The following KCNN2 variants were observed in gnomAD, a reference collection of about 807,000 sequenced individuals.
KCNN2 encodes the protein small conductance calcium-activated potassium channel protein 2.
KCNN2 carries 24 observed loss-of-function variants against 55.5 expected under a neutral mutation model. The observed-to-expected ratio is 0.43, with a 90% confidence interval of 0.31 to 0.61. The LOEUF (loss-of-function observed/expected upper bound fraction) is 0.61, where lower values mean the gene tolerates loss of function less well. Ranked by LOEUF, KCNN2 falls within the 20% of genes least tolerant of loss-of-function variation. KCNN2 has a pLI of 0.08. For synonymous variants in KCNN2, 431 were observed against 336.1 expected, an observed-to-expected ratio of 1.28 and a Z score of -3.09; for missense variants, 754 against 853.6, an observed-to-expected ratio of 0.88 and a Z score of 1.45.
chr5:114,419,091 C>T (rs1759394917), intron 3 of KCNN2, among the ~76,000 whole-genome samples: 1 of 152,158 alleles, frequency 6.6e-6, no homozygotes, highest in African/African-American at 2.4e-5. Flanking sequence ...TTAATTTGTG[C>T]TTCTTATTGA....
chr5:114,089,415 T>A (rs941921445), intron 1 of KCNN2, among the ~76,000 whole-genome samples: 2 of 152,154 alleles, frequency 1.3e-5, no homozygotes, highest in Non-Finnish European at 2.9e-5. Context: ...CACTGGAATG[T>A]CTCCCAACGC....
At chr5:114,303,492 G>A (rs1046375668) in intron 2 of KCNN2, among the ~76,000 whole-genome samples, 5 of 152,194 alleles carry the variant, frequency 3.3e-5, no homozygotes, top group Non-Finnish European at 7.3e-5. Flanking sequence ...GGTTTATAAA[G>A]GCACGCAGAG....
chr5:114,275,206 C>G (rs1427915939), intron 2 of KCNN2, among the ~76,000 whole-genome samples: 1 of 152,104 alleles, frequency 6.6e-6, no homozygotes, highest in African/African-American at 2.4e-5. Context: ...GGTGGATAAG[C>G]TTTTTGATGT....
intron 2 of KCNN2, among the ~76,000 whole-genome samples, chr5:114,304,329 G>A (rs1026263464): frequency 2.0e-5 from 3 of 152,190 alleles, no homozygotes; most frequent in African/African-American, 4.8e-5. Flanking sequence ...TGTCATGGGA[G>A]TCTGGGCCAT....
At chr5:114,368,062 C>G (rs992906154) in intron 2 of KCNN2, among the ~76,000 whole-genome samples, 1 of 150,892 alleles carries the variant, frequency 6.6e-6, no homozygotes, top group Non-Finnish European at 1.5e-5. Flanking sequence ...TTTTTTTTTT[C>G]CAGTAAATAT....
intron 4 of KCNN2, among the ~76,000 whole-genome samples, chr5:114,471,223 A>G (rs1761719155): frequency 6.6e-6 from 1 of 152,178 alleles, no homozygotes; most frequent in Admixed American, 6.5e-5. Context: ...TCCTGCCATG[A>G]ATACCAAAAT....
At chr5:114,435,487 T>C (rs544480318) in intron 3 of KCNN2, among the ~76,000 whole-genome samples, 45 of 152,292 alleles carry the variant, frequency 3.0e-4, no homozygotes, top group Admixed American at 5.2e-4. Flanking sequence ...ATAATGTTTC[T>C]AGACTTCATA....
chr5:114,484,103 A>T lies in KCNN2; in HGVS notation c.1891-2947A>T, dbSNP rs185672122. Among the ~76,000 whole-genome samples the T allele has an allele frequency of 8.5e-5, 13 of 152,228 alleles. 1 individual carries two copies. Among genetic ancestry groups the T allele is most frequent in the Admixed American group, 8.5e-4 (13 of 15,290 alleles). On this transcript the variant is annotated intron_variant, in intron 5 of 7. Coordinates refer to ENST00000673685, the MANE Select transcript of KCNN2 (RefSeq NM_021614.4). ...TCATGAGAAGAAGTTTTTATGTATA[A>T]ATTATATGTGCTGTGGTGCCCAGTT...
intron 1 of KCNN2, among the ~76,000 whole-genome samples, chr5:114,076,753 G>T (rs971363522): frequency 2.2e-4 from 34 of 152,172 alleles, no homozygotes; most frequent in African/African-American, 8.0e-4. Context: ...GAGTGCAGTG[G>T]TGCGATCTCG....
At chr5:114,262,768 C>T (rs537600228) in intron 2 of KCNN2, among the ~76,000 whole-genome samples, 26 of 152,262 alleles carry the variant, frequency 1.7e-4, no homozygotes, top group African/African-American at 6.0e-4. Flanking sequence ...TTGAGATGGA[C>T]AGCGTGCCTG....
chr5:114,420,009 A>G (rs1368163573), intron 3 of KCNN2, among the ~76,000 whole-genome samples: 1 of 152,214 alleles, frequency 6.6e-6, no homozygotes, highest in South Asian at 2.1e-4. Flanking sequence ...AAACAAAGCT[A>G]CCTTCTCCAT....
At chr5:114,247,593 T>G (rs1754772595) in intron 2 of KCNN2, among the ~76,000 whole-genome samples, 1 of 152,174 alleles carries the variant, frequency 6.6e-6, no homozygotes, top group Non-Finnish European at 1.5e-5. Context: ...AAATATTAGA[T>G]CAACTATAAA....
chr5:114,138,592 A>T (rs1355793529), intron 1 of KCNN2, among the ~76,000 whole-genome samples: 1 of 152,128 alleles, frequency 6.6e-6, no homozygotes, highest in Non-Finnish European at 1.5e-5. Flanking sequence ...GTATATTTTT[A>T]CTTGAATATC....
intron 3 of KCNN2, among the ~76,000 whole-genome samples, chr5:114,424,645 A>G (rs1759567472): frequency 6.6e-6 from 1 of 152,202 alleles, no homozygotes; most frequent in Non-Finnish European, 1.5e-5. Context: ...GGAAACAGGA[A>G]AGCCAGCTGA....
Position 114,495,883 on chromosome 5 carries a change from C to G in KCNN2, c.2089-12C>G, listed in dbSNP as rs765322700. ...AAGTATAATTAACCTTCTTCTCAAT[C>G]CTGTTTTTCAGACCCAGAACATCAT... On this transcript the variant is annotated splice_polypyrimidine_tract_variant and intron_variant, in intron 7 of 7. Coordinates refer to ENST00000673685, the MANE Select transcript of KCNN2 (RefSeq NM_021614.4). The G allele has an allele frequency of 6.2e-7, 1 of 1,609,330 alleles. No homozygotes were observed. The highest frequency in any genetic ancestry group is 1.3e-5 in the African/African-American group (1 of 74,728).
intron 1 of KCNN2, among the ~76,000 whole-genome samples, chr5:114,129,765 T>G (rs1225479435): frequency 6.6e-6 from 1 of 152,198 alleles, no homozygotes; most frequent in East Asian, 1.9e-4. Flanking sequence ...TCTTGGCCAT[T>G]GTGGAGACCT....
At chr5:114,464,809 TAA>T (rs36172859) in intron 4 of KCNN2, among the ~76,000 whole-genome samples, 5 of 129,988 alleles carry the variant, frequency 3.8e-5, no homozygotes, top group African/African-American at 8.6e-5. Context: ...TAGTGAACTT[TAA>T]AAAAAAAAAC....
chr5:114,201,497 A>C (rs1177283793), intron 1 of KCNN2, among the ~76,000 whole-genome samples: 1 of 152,024 alleles, frequency 6.6e-6, no homozygotes, highest in Non-Finnish European at 1.5e-5. Flanking sequence ...TGGAGAGTGC[A>C]ATCCACTCAA....
rs147422412 is a variant in KCNN2, at chr5:114,174,070, C to A, written c.-270-47410C>A. On this transcript the variant is annotated intron_variant, in intron 1 of 10. Coordinates refer to the KCNN2 transcript ENST00000512097. ...AAATGAGTATGTTTCCCCCAAAGTACCTTTTTAGTTAAATATTTCTTACAA... is the reference window on the plus strand; with the variant it reads ...AAATGAGTATGTTTCCCCCAAAGTAACTTTTTAGTTAAATATTTCTTACAA... 2.0e-5 allele frequency among the ~76,000 whole-genome samples: 3 copies of A among 152,080 alleles called. 1 individual carries two copies. In the East Asian group the frequency reaches 5.8e-4, roughly 29 times the overall value.
Sources: allele counts gnomAD v4.1 joint callset (sites outside exome capture counted in the v4.1 genomes callset), GRCh38; gene constraint gnomAD v4.1.1; transcripts MANE v1.5; gene names NCBI Gene and HGNC (gene_info 2026-07-23, HGNC 2026-07-21).